Variants in USH2A observed in about 807,000 individuals in gnomAD.
The protein encoded by USH2A is usherin.
Under a neutral mutation model 538.9 loss-of-function variants are expected in USH2A, and 443 were observed. That is an observed-to-expected ratio of 0.82 (90% CI 0.76 to 0.89). USH2A has a LOEUF of 0.89. Among genes scored for constraint, USH2A ranks in the 40% least tolerant of loss-of-function variants. USH2A has a pLI of 0.00. For synonymous variants in USH2A, 2,413 were observed against 2,273.5 expected (o/e 1.06, Z -1.75); for missense variants, 6,633 against 6,324.8 (o/e 1.05, Z -1.65).
chr1:216,184,514 A>C (rs2034558520), intron 20 of USH2A, among the ~76,000 whole-genome samples: 1 of 152,026 alleles, frequency 6.6e-6, no homozygotes, highest in Admixed American at 6.6e-5. Context: ...CATGGAGCAG[A>C]AAGTGACTAG....
At chr1:215,631,036 G>T (rs181664623) in intron 70 of USH2A, among the ~76,000 whole-genome samples, 1 of 152,282 alleles carries the variant, frequency 6.6e-6, no homozygotes, top group East Asian at 1.9e-4. Flanking sequence ...CTTGAAAAAT[G>T]TTGATGAAAT....
intron 21 of USH2A, among the ~76,000 whole-genome samples, chr1:216,132,217 C>T (rs1352832832): frequency 1.3e-5 from 2 of 152,102 alleles, no homozygotes; most frequent in Non-Finnish European, 2.9e-5. Context: ...GAAGACTGCT[C>T]TTTCAAAGAA....
At chr1:216,179,287 T>C (rs1289612733) in intron 20 of USH2A, among the ~76,000 whole-genome samples, 2 of 152,086 alleles carry the variant, frequency 1.3e-5, no homozygotes, top group Non-Finnish European at 2.9e-5. Context: ...TAATAATTAT[T>C]GAAAATTAGA....
chr1:216,299,769 A>T (rs1041379967), intron 9 of USH2A, among the ~76,000 whole-genome samples: 1 of 152,200 alleles, frequency 6.6e-6, no homozygotes, highest in East Asian at 1.9e-4. Flanking sequence ...TATGTAAGCT[A>T]AAAAGTTTTT....
intron 3 of USH2A, among the ~76,000 whole-genome samples, chr1:216,402,764 T>G (rs1360804444): frequency 6.6e-6 from 1 of 152,270 alleles, no homozygotes; most frequent in Non-Finnish European, 1.5e-5. Context: ...GGTCAAAAGT[T>G]AAATGCAAAT....
chr1:216,023,169 C>A (rs1489839354), intron 32 of USH2A, among the ~76,000 whole-genome samples: 2 of 152,068 alleles, frequency 1.3e-5, no homozygotes, highest in South Asian at 2.1e-4. Flanking sequence ...CAAGATAAAT[C>A]TATCTATATC....
chr1:215,931,002 T>G (rs1349111629), intron 38 of USH2A, among the ~76,000 whole-genome samples: 1 of 151,920 alleles, frequency 6.6e-6, no homozygotes, highest in Non-Finnish European at 1.5e-5. Flanking sequence ...ACAAACAACC[T>G]AAAAATATAG....
In USH2A at chr1:215,636,866, G is replaced by C. The variant is rs544261809; in HGVS notation, c.15053-2163C>G. 1.2e-3 allele frequency among the ~76,000 whole-genome samples: 180 copies of C among 152,202 alleles called. 1 individual carries two copies. Among genetic ancestry groups the C allele is most frequent in the African/African-American group, 4.2e-3 (175 of 41,556 alleles). ...CTGCCAGAGCATTGCACAATCCTCAGAGTTCTTCCCCTCTGCTCTACCCAA... is the reference window on the plus strand; with the variant it reads ...CTGCCAGAGCATTGCACAATCCTCACAGTTCTTCCCCTCTGCTCTACCCAA... On this transcript the variant is annotated intron_variant, in intron 69 of 71. Coordinates refer to ENST00000307340, the MANE Select transcript of USH2A (RefSeq NM_206933.4).
intron 52 of USH2A, among the ~76,000 whole-genome samples, chr1:215,785,158 A>G (rs546656667): frequency 6.6e-6 from 1 of 152,204 alleles, no homozygotes; most frequent in Non-Finnish European, 1.5e-5. Context: ...GGATGTTTCA[A>G]TCTAATAGAA....
At chr1:216,218,429 C>G (rs1206944244) in intron 14 of USH2A, among the ~76,000 whole-genome samples, 2 of 152,118 alleles carry the variant, frequency 1.3e-5, no homozygotes, top group Admixed American at 6.6e-5. Flanking sequence ...AAGAAGACCA[C>G]TCACCATTTA....
intron 21 of USH2A, among the ~76,000 whole-genome samples, chr1:216,160,502 C>T (rs1271031152): frequency 6.6e-6 from 1 of 152,036 alleles, no homozygotes; most frequent in African/African-American, 2.4e-5. Context: ...AATGCAGTGG[C>T]TCATCACATC....
intron 21 of USH2A, among the ~76,000 whole-genome samples, chr1:216,114,962 ATATC>A (rs2032968214): frequency 6.6e-6 from 1 of 152,172 alleles, no homozygotes; most frequent in Admixed American, 6.6e-5. Context: ...TCATAGATAT[ATATC>A]TATCTGCATA....
chr1:216,095,688 G>A (rs992468360), intron 22 of USH2A, among the ~76,000 whole-genome samples: 7 of 152,246 alleles, frequency 4.6e-5, no homozygotes, highest in South Asian at 2.1e-4. Context: ...CTGGTCCTTC[G>A]AGTGGCCACT....
intron 38 of USH2A, among the ~76,000 whole-genome samples, chr1:215,910,587 C>T (rs1043330067): frequency 6.6e-6 from 1 of 151,826 alleles, no homozygotes; most frequent in Non-Finnish European, 1.5e-5. Context: ...TAAGTGTTTG[C>T]TATTGTTATG....
At chr1:215,734,305 C>A (rs933588116) in intron 60 of USH2A, among the ~76,000 whole-genome samples, 6 of 152,170 alleles carry the variant, frequency 3.9e-5, no homozygotes, top group Non-Finnish European at 7.3e-5. Flanking sequence ...AGTTCGCAAG[C>A]CTGCACAGGG....
chr1:216,229,602 A>G (rs1478241620), intron 14 of USH2A, among the ~76,000 whole-genome samples: 1 of 152,214 alleles, frequency 6.6e-6, no homozygotes, highest in Non-Finnish European at 1.5e-5. Flanking sequence ...TGAGTTAGCC[A>G]TAGTGCCTAG....
At chr1:216,245,330 G>A (rs537568668) in intron 13 of USH2A, among the ~76,000 whole-genome samples, 15 of 152,126 alleles carry the variant, frequency 9.9e-5, no homozygotes, top group South Asian at 8.3e-4. Context: ...GAGTCAATTC[G>A]AATTTTCCTC....
chr1:216,095,188 C>CT (rs77964683), intron 22 of USH2A, among the ~76,000 whole-genome samples: 6,130 of 152,078 alleles, frequency 0.04, 179 homozygotes, highest in South Asian at 0.15. Context: ...TGTTATCCCT[C>CT]TTTTTCTTGA....
At chr1:215,857,562 A>AGAAACTC (rs144225216) in intron 44 of USH2A, among the ~76,000 whole-genome samples, 6,475 of 152,260 alleles carry the variant, frequency 0.043, 186 homozygotes, top group East Asian at 0.15. Flanking sequence ...AAGAGTCATG[A>AGAAACTC]GTATTTATGA....
Sources: allele counts gnomAD v4.1 joint callset (sites outside exome capture counted in the v4.1 genomes callset), GRCh38; gene constraint gnomAD v4.1.1; transcripts MANE v1.5; gene names NCBI Gene and HGNC (gene_info 2026-07-23, HGNC 2026-07-21).